ZFAND3: variants seen among roughly 807,000 people sequenced by gnomAD.
The protein encoded by ZFAND3 is zinc finger AN1-type containing 3, also known as AN1-type zinc finger protein 3.
In ZFAND3, 10 loss-of-function variants were observed where a neutral mutation model predicts 29.6. The ratio of observed to expected loss-of-function variants is 0.34; its 90% confidence interval spans 0.21 to 0.57. The LOEUF (loss-of-function observed/expected upper bound fraction) is 0.57, where lower values mean the gene tolerates loss of function less well. Ranked by LOEUF, ZFAND3 falls within the 20% of genes least tolerant of loss-of-function variation. The probability of loss-of-function intolerance (pLI) is 0.86; values close to 1 mark genes in which losing one functional copy is unlikely to be tolerated. For synonymous variants in ZFAND3, 128 were observed against 112.6 expected (o/e 1.14, Z -0.87); for missense variants, 230 against 304.5 (o/e 0.76, Z 1.82).
At chr6:37,963,117 G>A (rs373905854) in intron 2 of ZFAND3, among the ~76,000 whole-genome samples, 32 of 152,022 alleles carry the variant, frequency 2.1e-4, no homozygotes, top group Middle Eastern at 3.4e-3. Flanking sequence ...TGTAACACTC[G>A]CTGCGAGGGT....
chr6:38,128,084 A>G (rs566606974), intron 5 of ZFAND3, among the ~76,000 whole-genome samples: 76 of 152,344 alleles, frequency 5.0e-4, no homozygotes, highest in African/African-American at 1.8e-3. Flanking sequence ...CAGCAGAACC[A>G]CCAAATAAGG....
chr6:37,878,612 C>T (rs1318745245), intron 1 of ZFAND3, among the ~76,000 whole-genome samples: 1 of 152,232 alleles, frequency 6.6e-6, no homozygotes, highest in East Asian at 1.9e-4. Context: ...CCACTGGCAG[C>T]TACAGCCTCC....
chr6:38,090,951 A>T (rs1037019321), intron 4 of ZFAND3, among the ~76,000 whole-genome samples: 1 of 152,184 alleles, frequency 6.6e-6, no homozygotes, highest in Non-Finnish European at 1.5e-5. Flanking sequence ...TTACAGCACA[A>T]TGTATAATGT....
chr6:37,876,710 G>T (rs1427758379), intron 1 of ZFAND3, among the ~76,000 whole-genome samples: 2 of 152,196 alleles, frequency 1.3e-5, no homozygotes, highest in East Asian at 3.9e-4. Flanking sequence ...GAAAGGCAGG[G>T]GACATTTTGG....
chr6:38,127,513 C>T (rs1359128322), intron 5 of ZFAND3, among the ~76,000 whole-genome samples: 1 of 152,156 alleles, frequency 6.6e-6, no homozygotes, highest in Non-Finnish European at 1.5e-5. Context: ...AAACCAGTAT[C>T]ATAAGAGACA....
chr6:38,028,740 G>T (rs986061254), intron 2 of ZFAND3, among the ~76,000 whole-genome samples: 3 of 152,056 alleles, frequency 2.0e-5, no homozygotes, highest in African/African-American at 7.2e-5. Flanking sequence ...TCTTTACCTT[G>T]GCTTGAAGTG....
intron 3 of ZFAND3, among the ~76,000 whole-genome samples, chr6:38,076,711 C>A (rs574764423): frequency 6.6e-6 from 1 of 152,274 alleles, no homozygotes; most frequent in South Asian, 2.1e-4. Flanking sequence ...TGAAGAATTT[C>A]TGTAAACTTA....
At chr6:38,085,333 G>A (rs902542327) in intron 4 of ZFAND3, among the ~76,000 whole-genome samples, 1 of 152,180 alleles carries the variant, frequency 6.6e-6, no homozygotes, top group South Asian at 2.1e-4. Flanking sequence ...CCTTAAGTGA[G>A]ATCTTACCTA....
At chr6:38,102,345 G>A (rs536593856) in intron 4 of ZFAND3, among the ~76,000 whole-genome samples, 2 of 152,286 alleles carry the variant, frequency 1.3e-5, no homozygotes, top group East Asian at 1.9e-4. Context: ...CTTTTTGTCT[G>A]TATGTGTGTT....
In ZFAND3 at chr6:37,944,500, A is replaced by T. The variant is rs368640083; in HGVS notation, c.112+14501A>T. ...CATGGCCCTACAAGAGGAGGAGCCT[A>T]AAAAAAGAAAAGAGAAAAAACTGTG... On this transcript the variant is annotated intron_variant, in intron 2 of 5. Coordinates refer to ENST00000287218, the MANE Select transcript of ZFAND3 (RefSeq NM_021943.3). 7.1e-4 allele frequency among the ~76,000 whole-genome samples: 108 copies of T among 152,290 alleles called. No individual in the cohort carries two copies. In the East Asian group the frequency reaches 0.012, roughly 16 times the overall value.
chr6:37,959,064 C>T (rs1353647903), intron 2 of ZFAND3, among the ~76,000 whole-genome samples: 1 of 152,128 alleles, frequency 6.6e-6, no homozygotes, highest in East Asian at 1.9e-4. Flanking sequence ...GAGCTAAGTC[C>T]TTGGGGTATA....
chr6:38,069,850 C>T (rs1394065876), intron 3 of ZFAND3, among the ~76,000 whole-genome samples: 2 of 152,238 alleles, frequency 1.3e-5, no homozygotes, highest in East Asian at 1.9e-4. Context: ...AAATAAGAAC[C>T]AGATTAAAGC....
At position 38,082,390 on chromosome 6, in the gene ZFAND3, AG is replaced by A. The variant is rs1323469228; in HGVS notation, c.296del. ...CTGATGCACCTGCCTTTCTGTTTCT[AG>A]GTGGGCCATGCACAGACACAGCTCA... On this transcript the variant is annotated splice_acceptor_variant, in intron 3 of 5. Transcript: ENST00000287218. LOFTEE classifies it high-confidence loss of function. 2 of 1,611,020 alleles carry A rather than the reference AG, an allele frequency of 1.2e-6. No homozygotes were observed. The highest frequency in any genetic ancestry group is 1.7e-6 in the Non-Finnish European group (2 of 1,178,498).
intron 1 of ZFAND3, among the ~76,000 whole-genome samples, chr6:37,843,105 G>C (rs1292890453): frequency 7.6e-5 from 11 of 145,180 alleles, no homozygotes; most frequent in African/African-American, 2.6e-4. Flanking sequence ...CTGAGCAACA[G>C]AGTGAAACTG....
At chr6:37,846,978 T>C (rs1451794469) in intron 1 of ZFAND3, among the ~76,000 whole-genome samples, 1 of 152,092 alleles carries the variant, frequency 6.6e-6, no homozygotes, top group Non-Finnish European at 1.5e-5. Flanking sequence ...CCCAAAGTGC[T>C]GGGATTACAG....
At chr6:38,063,140 C>T (rs1038498270) in intron 3 of ZFAND3, among the ~76,000 whole-genome samples, 2 of 151,908 alleles carry the variant, frequency 1.3e-5, no homozygotes, top group Non-Finnish European at 2.9e-5. Flanking sequence ...TATCTAGAAA[C>T]ACAGTAGGTT....
chr6:37,952,874 C>G (rs1393554306), intron 2 of ZFAND3, among the ~76,000 whole-genome samples: 1 of 151,558 alleles, frequency 6.6e-6, no homozygotes, highest in Non-Finnish European at 1.5e-5. Context: ...TTCTGCAGAT[C>G]TGCTTGGAGT....
intron 2 of ZFAND3, among the ~76,000 whole-genome samples, chr6:37,963,341 GA>G (rs1358477439): frequency 9.9e-5 from 15 of 152,128 alleles, no homozygotes; most frequent in Non-Finnish European, 8.8e-5. Flanking sequence ...GGGATATAGC[GA>G]AAGCAGTACT....
chr6:38,141,447 G>A (rs995184444), intron 5 of ZFAND3, among the ~76,000 whole-genome samples: 2 of 152,210 alleles, frequency 1.3e-5, no homozygotes, highest in African/African-American at 2.4e-5. Context: ...GAAAGTTTCC[G>A]TGTCCCTTTC....
Sources: allele counts gnomAD v4.1 joint callset (sites outside exome capture counted in the v4.1 genomes callset), GRCh38; gene constraint gnomAD v4.1.1; transcripts MANE v1.5; gene names NCBI Gene and HGNC (gene_info 2026-07-23, HGNC 2026-07-21).